Variants in SH3GLB1 observed in about 807,000 individuals in gnomAD.
SH3GLB1 encodes the protein endophilin-B1.
A neutral mutation model predicts 42.0 loss-of-function variants in SH3GLB1; 17 were observed. The ratio of observed to expected loss-of-function variants is 0.40; its 90% CI spans 0.28 to 0.61. The LOEUF is 0.61. Ranked by LOEUF, SH3GLB1 falls within the 20% of genes least tolerant of loss-of-function variation. SH3GLB1 has a pLI of 0.36. For synonymous variants in SH3GLB1, 132 were observed against 146.6 expected (o/e 0.90, Z 0.72); for missense variants, 355 against 426.3 (o/e 0.83, Z 1.47).
chr1:86,726,247 T>G (rs1655188305), intron 5 of SH3GLB1, among the ~76,000 whole-genome samples: 1 of 152,074 alleles, frequency 6.6e-6, no homozygotes, highest in Non-Finnish European at 1.5e-5. Flanking sequence ...AAAACTTTGT[T>G]TAAAAAGCAC....
rs897004084 is a variant in SH3GLB1, at chr1:86,745,882, A to G, written c.*2647A>G. On this transcript the variant is annotated 3_prime_UTR_variant, in exon 9 of 9. Transcript: ENST00000370558. ...GTGCCACTGAGCTTAATCTGAAAGTATAGTGACATGTGAAGGATGCACATA... is the reference window on the plus strand; with the variant it reads ...GTGCCACTGAGCTTAATCTGAAAGTGTAGTGACATGTGAAGGATGCACATA... 5.9e-5 allele frequency: 9 copies of G among 152,620 alleles called. No homozygotes were observed. The highest frequency in any genetic ancestry group is 5.2e-4 in the Admixed American group (8 of 15,280). The allele number at this position is 152,620 out of a possible 1,614,324, so 9.5% of individuals were successfully genotyped here.
chr1:86,717,336 C>G (rs1467028342), intron 2 of SH3GLB1, among the ~76,000 whole-genome samples: 4 of 152,112 alleles, frequency 2.6e-5, no homozygotes, highest in South Asian at 2.1e-4. Context: ...AAATAAAATA[C>G]AATTTCCTCC....
intron 5 of SH3GLB1, among the ~76,000 whole-genome samples, chr1:86,733,618 T>C (rs369535019): frequency 2.0e-4 from 31 of 152,338 alleles, no homozygotes; most frequent in African/African-American, 6.3e-4. Flanking sequence ...TATTTCTCTT[T>C]CCCACTTATT....
intron 5 of SH3GLB1, among the ~76,000 whole-genome samples, chr1:86,731,375 C>G (rs530729321): frequency 1.3e-5 from 2 of 152,142 alleles, no homozygotes; most frequent in Non-Finnish European, 2.9e-5. Flanking sequence ...CTGTTTTATG[C>G]ATAGGTTATA....
intron 5 of SH3GLB1, among the ~76,000 whole-genome samples, chr1:86,724,886 A>ATATATATATAT (rs1409906302): frequency 4.3e-4 from 44 of 102,378 alleles, no homozygotes; most frequent in African/African-American, 2.1e-3. Context: ...AAAAAAAAAA[A>ATATATATATAT]AAAAAAATAT....
Position 86,743,248 on chromosome 1 carries a change from T to C in SH3GLB1, c.*13T>C, listed in dbSNP as rs779407839. The C allele has an allele frequency of 1.7e-5, 27 of 1,564,792 alleles. No homozygotes were observed. The highest frequency in any genetic ancestry group is 2.7e-5 in the African/African-American group (2 of 72,854). ...ACTGCTCAATTAAGTAGGTGGACTATGGAAAGGTTGCCCATCATGACTTTG... is the reference window on the plus strand; with the variant it reads ...ACTGCTCAATTAAGTAGGTGGACTACGGAAAGGTTGCCCATCATGACTTTG... On this transcript the variant is annotated 3_prime_UTR_variant, in exon 9 of 9. Transcript: ENST00000370558.
Position 86,742,409 on chromosome 1 carries a change from T to C in SH3GLB1, c.963T>C (p.Ser321=), listed in dbSNP as rs143210569. ...TCTATGATTATGATGCAGCAAACAGTACTGAATTATCACTTCTGGCAGATG... is the reference window on the plus strand; with the variant it reads ...TCTATGATTATGATGCAGCAAACAGCACTGAATTATCACTTCTGGCAGATG... ...RVLYDYDAAN[S]TELSLLADEV... is the part of the protein sequence containing the mutation. The change falls in exon 8 of 9, where the codon AGT becomes AGC. Residue 321 remains serine, a synonymous_variant. Transcript: ENST00000370558. The C allele has an allele frequency of 4.1e-4, 658 of 1,614,020 alleles. 4 individuals are homozygous for C. In the African/African-American group the frequency reaches 8.1e-3, roughly 20 times the overall value.
At chr1:86,742,082 A>G in intron 7 of SH3GLB1, 126 bp from the exon 8 acceptor site, 1 of 649,214 alleles carries the variant, frequency 1.5e-6, no homozygotes, top group Non-Finnish European at 2.7e-6. Context: ...TCATTAACGT[A>G]TTATTAATAT....
At chr1:86,726,646 G>A (rs1655211140) in intron 5 of SH3GLB1, among the ~76,000 whole-genome samples, 1 of 151,918 alleles carries the variant, frequency 6.6e-6, no homozygotes, top group African/African-American at 2.4e-5. Flanking sequence ...AGTCTAGACA[G>A]GAAGTTCGAT....
intron 1 of SH3GLB1, among the ~76,000 whole-genome samples, chr1:86,708,059 G>A (rs970659640): frequency 6.6e-6 from 1 of 152,072 alleles, no homozygotes; most frequent in Non-Finnish European, 1.5e-5. Flanking sequence ...TCATTATACT[G>A]TTATACTTTT....
intron 1 of SH3GLB1, among the ~76,000 whole-genome samples, chr1:86,706,071 G>T (rs1344305597): frequency 1.2e-4 from 18 of 152,138 alleles, no homozygotes. Flanking sequence ...AACCTGTCAA[G>T]CACTTTGTAA....
intron 1 of SH3GLB1, among the ~76,000 whole-genome samples, chr1:86,711,025 C>G (rs180817522): frequency 6.6e-6 from 1 of 152,210 alleles, no homozygotes; most frequent in East Asian, 1.9e-4. Flanking sequence ...TTCTAAAGCT[C>G]CCTCAAGTAA....
intron 2 of SH3GLB1, 54 bp downstream of exon 2, chr1:86,715,919 G>GT (rs1227135346): frequency 3.3e-6 from 5 of 1,523,384 alleles, no homozygotes; most frequent in East Asian, 4.8e-5. Context: ...GTTTTTAAAT[G>GT]TTAAAAAAAA....
rs1445696476 is a variant in SH3GLB1 at position 86,743,671 on chromosome 1, C to T, written c.*436C>T. 1 of 152,588 alleles carries T rather than the reference C, an allele frequency of 6.6e-6. No homozygotes were observed. The highest frequency in any genetic ancestry group is 2.4e-5 in the African/African-American group (1 of 41,406). The allele number at this position is 152,588 out of a possible 1,614,324, so 9.5% of individuals were successfully genotyped here. A position where few individuals can be genotyped will look rare whatever the true frequency, so the allele number is the denominator to read the frequency against. On this transcript the variant is annotated 3_prime_UTR_variant, in exon 9 of 9. Coordinates refer to ENST00000370558, the MANE Select transcript of SH3GLB1 (RefSeq NM_016009.5). ...TTTAAACTTTCGGTCTTAAAAAGAGCTGTAGGATATAAACCTCTTTTGTGA... is the reference window on the plus strand; with the variant it reads ...TTTAAACTTTCGGTCTTAAAAAGAGTTGTAGGATATAAACCTCTTTTGTGA...
At chr1:86,711,390 A>G (rs914481973) in intron 1 of SH3GLB1, among the ~76,000 whole-genome samples, 5 of 152,180 alleles carry the variant, frequency 3.3e-5, no homozygotes, top group Non-Finnish European at 5.9e-5. Flanking sequence ...GAGAAAATAT[A>G]TAAAAGGGGA....
Position 86,743,991 on chromosome 1 carries a change from G to A in SH3GLB1, c.*756G>A, listed in dbSNP as rs573411065. ...GATTATTCAGTTGGCACAATTTAAT[G>A]CATAATTGGGATTGGATCCATTTAC... is the stretch of plus-strand genomic sequence containing the variant. On this transcript the variant is annotated 3_prime_UTR_variant, in exon 9 of 9. Coordinates refer to ENST00000370558, the MANE Select transcript of SH3GLB1 (RefSeq NM_016009.5). 3.9e-5 allele frequency: 6 copies of A among 152,672 alleles called. No homozygotes were observed. Among genetic ancestry groups the A allele is most frequent in the Admixed American group, 3.9e-4 (6 of 15,294 alleles). The allele number at this position is 152,672 out of a possible 1,614,324, so 9.5% of individuals were successfully genotyped here. A position where few individuals can be genotyped will look rare whatever the true frequency, so the allele number is the denominator to read the frequency against.
chr1:86,717,719 G>T (rs1654618890), intron 2 of SH3GLB1, among the ~76,000 whole-genome samples: 1 of 152,164 alleles, frequency 6.6e-6, no homozygotes, highest in African/African-American at 2.4e-5. Flanking sequence ...ACCATGCCCA[G>T]CCTGTGCTCT....
intron 1 of SH3GLB1, among the ~76,000 whole-genome samples, chr1:86,714,060 C>T (rs1441868675): frequency 6.6e-6 from 1 of 152,148 alleles, no homozygotes; most frequent in Non-Finnish European, 1.5e-5. Flanking sequence ...GAAATTTATG[C>T]ATGCAGTTTC....
chr1:86,725,187 G>A (rs1387313810), intron 5 of SH3GLB1, among the ~76,000 whole-genome samples: 1 of 151,412 alleles, frequency 6.6e-6, no homozygotes, highest in African/African-American at 2.4e-5. Context: ...GAATACTTGT[G>A]TGTGACTTAA....
Sources: allele counts gnomAD v4.1 joint callset (sites outside exome capture counted in the v4.1 genomes callset), GRCh38; gene constraint gnomAD v4.1.1; transcripts MANE v1.5; gene names NCBI Gene and HGNC (gene_info 2026-07-23, HGNC 2026-07-21).